The following AGK variants were observed in gnomAD, a reference collection of about 807,000 sequenced individuals.
AGK encodes acylglycerol kinase.
AGK carries 52 observed loss-of-function variants against 66.4 expected under a neutral mutation model. The ratio of observed to expected loss-of-function variants is 0.78; its 90% CI spans 0.63 to 0.99. The LOEUF is 0.99. Ranked by LOEUF, AGK falls within the 50% of genes least tolerant of loss-of-function variation. The probability of loss-of-function intolerance (pLI) is 0.00; values close to 1 mark genes in which losing one functional copy is unlikely to be tolerated. For missense variants in AGK, 451 were observed against 506.6 expected (o/e 0.89, Z 1.05); for synonymous variants, 182 against 181.1 (o/e 1.00, Z -0.04).
At chr7:141,591,393 G>T (rs1484583974) in intron 2 of AGK, among the ~76,000 whole-genome samples, 1 of 152,036 alleles carries the variant, frequency 6.6e-6, no homozygotes, top group Non-Finnish European at 1.5e-5. Context: ...GTGCCCTGCG[G>T]TTCTTAGGTT....
At chr7:141,558,430 G>T (rs1447524141) in intron 2 of AGK, among the ~76,000 whole-genome samples, 1 of 151,924 alleles carries the variant, frequency 6.6e-6, no homozygotes, top group Non-Finnish European at 1.5e-5. Flanking sequence ...CTCTGAAAGT[G>T]CTGGGATTAC....
At chr7:141,553,771 C>G (rs991807836) in intron 1 of AGK, among the ~76,000 whole-genome samples, 17 of 152,116 alleles carry the variant, frequency 1.1e-4, no homozygotes, top group African/African-American at 4.1e-4. Context: ...CTGGCACTGG[C>G]TTCACTGCTG....
rs1797279953 is a variant in AGK at position 141,641,232 on chromosome 7, C to T, written c.727-16C>T. 4.4e-6 allele frequency: 7 copies of T among 1,590,134 alleles called. No individual in the cohort carries two copies. The highest frequency in any genetic ancestry group is 6.0e-6 in the Non-Finnish European group (7 of 1,173,662). On this transcript the variant is annotated splice_polypyrimidine_tract_variant and intron_variant, in intron 11 of 15. Coordinates refer to ENST00000649286, the MANE Select transcript of AGK (RefSeq NM_018238.4). The stretch of plus-strand genomic sequence containing the variant: ...TGTACATGCATAACAAAATTTTTCT[C>T]TCTCCACATTAAAAGGAGTGGCCTC...
chr7:141,607,964 A>G (rs544359735), intron 5 of AGK, among the ~76,000 whole-genome samples: 17 of 151,942 alleles, frequency 1.1e-4, no homozygotes, highest in Non-Finnish European at 2.5e-4. Flanking sequence ...ATCTGTCAAG[A>G]TCTTTTAAAA....
chr7:141,633,863 A>G lies in AGK; in HGVS notation c.589-38A>G, dbSNP rs764875607. On this transcript the variant is annotated intron_variant, in intron 9 of 15. Coordinates refer to ENST00000649286, the MANE Select transcript of AGK (RefSeq NM_018238.4). The stretch of plus-strand genomic sequence containing the variant: ...TAGATGTAAAGAGTTCTGAGTGATT[A>G]TAGTCATGAATTTAAATGAAATGTA... 7 of 1,546,080 alleles carry G rather than the reference A, an allele frequency of 4.5e-6. No individual in the cohort carries two copies. In the South Asian group the frequency reaches 6.7e-5, roughly 15 times the overall value.
intron 2 of AGK, among the ~76,000 whole-genome samples, chr7:141,586,510 T>C (rs1366275774): frequency 6.6e-6 from 1 of 152,220 alleles, no homozygotes; most frequent in Non-Finnish European, 1.5e-5. Context: ...TCTACGAGTG[T>C]GTGCTGTGGG....
In AGK at chr7:141,651,518, C is replaced by A; in HGVS notation, c.1047-7C>A. 2 of 1,614,144 alleles carry A rather than the reference C, an allele frequency of 1.2e-6. No individual in the cohort carries two copies. The highest frequency in any genetic ancestry group is 1.7e-6 in the Non-Finnish European group (2 of 1,179,990). On this transcript the variant is annotated splice_region_variant and splice_polypyrimidine_tract_variant and intron_variant, in intron 14 of 15. Coordinates refer to ENST00000649286, the MANE Select transcript of AGK (RefSeq NM_018238.4). ...GGTCTTAAGCTTGCTTTTTCCTGTG[C>A]TCACAGAAGTCGAAAGGTGAGAAAC...
At chr7:141,651,677 G>T in intron 15 of AGK, 68 bp downstream of exon 15, 1 of 1,412,490 alleles carries the variant, frequency 7.1e-7, no homozygotes, top group Admixed American at 1.7e-5. Flanking sequence ...CCTCTGTGGT[G>T]TCCCATCCTT....
chr7:141,555,407 C>A lies in AGK; in HGVS notation c.-14-46C>A. On this transcript the variant is annotated intron_variant, in intron 1 of 15. Transcript: ENST00000649286. This position sits in a 1 kb window ranked among gnomAD's most constrained non-coding sequence, Gnocchi z 4.2. ...AGTAATAGGGACATTACATGAAGACCATGGATAAATTATATTTTTTTCTCT... is the reference window on the plus strand; with the variant it reads ...AGTAATAGGGACATTACATGAAGACAATGGATAAATTATATTTTTTTCTCT... 1 of 1,332,940 alleles carries A rather than the reference C, an allele frequency of 7.5e-7. No individual in the cohort carries two copies. Among genetic ancestry groups the A allele is most frequent in the Non-Finnish European group, 1.1e-6 (1 of 938,964 alleles). The allele number at this position is 1,332,940 out of a possible 1,614,324, so 82.6% of individuals were successfully genotyped here.
chr7:141,589,811 C>T (rs1158991959), intron 2 of AGK, among the ~76,000 whole-genome samples: 1 of 152,104 alleles, frequency 6.6e-6, no homozygotes, highest in Non-Finnish European at 1.5e-5. Context: ...CCGCCCATCT[C>T]GGCATCCCAA....
At chr7:141,646,584 A>AG (rs1797418573) in intron 13 of AGK, among the ~76,000 whole-genome samples, 1 of 152,214 alleles carries the variant, frequency 6.6e-6, no homozygotes, top group Non-Finnish European at 1.5e-5. Flanking sequence ...GGGTCAGCAA[A>AG]GGACAGCCCA....
At chr7:141,581,392 A>T (rs1795879105) in intron 2 of AGK, among the ~76,000 whole-genome samples, 1 of 151,998 alleles carries the variant, frequency 6.6e-6, no homozygotes, top group African/African-American at 2.4e-5. Context: ...CAGGGTGGAT[A>T]GGCAAAACAA....
chr7:141,586,249 C>T (rs1261855833), intron 2 of AGK, among the ~76,000 whole-genome samples: 2 of 152,072 alleles, frequency 1.3e-5, no homozygotes, highest in African/African-American at 2.4e-5. Flanking sequence ...CGTTTTTGTG[C>T]GTTTGGAATT....
At chr7:141,615,119 T>C (rs904503749) in intron 7 of AGK, among the ~76,000 whole-genome samples, 1 of 152,274 alleles carries the variant, frequency 6.6e-6, no homozygotes, top group Non-Finnish European at 1.5e-5. Flanking sequence ...TTGAATTTTA[T>C]CTGCAACTTT....
At chr7:141,588,458 A>G (rs1199882527) in intron 2 of AGK, among the ~76,000 whole-genome samples, 1 of 152,082 alleles carries the variant, frequency 6.6e-6, no homozygotes, top group Non-Finnish European at 1.5e-5. Flanking sequence ...GGTGAAACCA[A>G]TACAAAAATT....
At chr7:141,596,687 G>A (rs1419378437) in intron 4 of AGK, 46 bp downstream of exon 4, 2 of 1,539,072 alleles carry the variant, frequency 1.3e-6, no homozygotes, top group East Asian at 2.3e-5. Context: ...TTCTAAGGGG[G>A]AAAGAAATCA....
intron 5 of AGK, among the ~76,000 whole-genome samples, chr7:141,605,433 C>A (rs77583105): frequency 7.2e-4 from 109 of 152,212 alleles, no homozygotes; most frequent in Non-Finnish European, 1.3e-3. Flanking sequence ...TTCCTAGAAC[C>A]TGGTGAAGCT....
rs1562988063 is a variant in AGK at position 141,651,559 on chromosome 7, G to A, written c.1081G>A (p.Glu361Lys). Residue 361 changes from glutamate to lysine, a missense_variant, in exon 15 of 16, where the codon GAG becomes AAG. By Grantham distance (56) the Glu-to-Lys change is moderately conservative. Transcript: ENST00000649286. ...RKVRNPKLHV[E>K]GTECLQASQC... ...GGTGAGAAACCCCAAGCTGCACGTG[G>A]AGGGCACGGAGTGTCTCCAAGCCAG... The A allele has an allele frequency of 6.2e-7, 1 of 1,614,256 alleles. No individual in the cohort carries two copies.
intron 8 of AGK, among the ~76,000 whole-genome samples, chr7:141,620,256 G>C (rs1290452498): frequency 1.3e-5 from 2 of 152,144 alleles, no homozygotes; most frequent in Non-Finnish European, 2.9e-5. Context: ...CATGGTGATA[G>C]TTATATGACT....
Sources: allele counts gnomAD v4.1 joint callset (sites outside exome capture counted in the v4.1 genomes callset), GRCh38; gene constraint gnomAD v4.1.1; non-coding constraint Gnocchi (gnomAD v3.1); transcripts MANE v1.5; gene names NCBI Gene and HGNC (gene_info 2026-07-23, HGNC 2026-07-21).